Variants in GRIA4 observed in about 807,000 individuals in gnomAD.
GRIA4 encodes glutamate receptor 4.
A neutral mutation model predicts 104.0 loss-of-function variants in GRIA4; 34 were observed. That is an observed-to-expected ratio of 0.33 (90% confidence interval 0.25 to 0.44). GRIA4 has a LOEUF of 0.44. Among genes scored for constraint, GRIA4 ranks in the 20% least tolerant of loss-of-function variants. The pLI is 1.00. For missense variants in GRIA4, 750 were observed against 1,096.5 expected, an observed-to-expected ratio of 0.68 and a Z score of 4.46; for synonymous variants, 386 against 381.9, an observed-to-expected ratio of 1.01 and a Z score of -0.13.
intron 4 of GRIA4, among the ~76,000 whole-genome samples, chr11:105,819,621 A>C (rs1320289851): frequency 6.6e-6 from 1 of 152,130 alleles, no homozygotes; most frequent in Non-Finnish European, 1.5e-5. Flanking sequence ...GGTGATAGGC[A>C]CATGAAACGC....
intron 14 of GRIA4, among the ~76,000 whole-genome samples, chr11:105,956,540 C>T (rs897957715): frequency 6.6e-6 from 1 of 152,330 alleles, no homozygotes; most frequent in Admixed American, 6.5e-5. Context: ...CAAGTCTTTG[C>T]TATTGTGAAT....
chr11:105,899,574 T>C (rs1946784762), intron 7 of GRIA4, among the ~76,000 whole-genome samples: 1 of 152,220 alleles, frequency 6.6e-6, no homozygotes, highest in Non-Finnish European at 1.5e-5. Flanking sequence ...TCAGTAGCCA[T>C]TTAATAAATA....
intron 3 of GRIA4, among the ~76,000 whole-genome samples, chr11:105,724,709 T>G (rs903097133): frequency 2.0e-5 from 3 of 152,106 alleles, no homozygotes; most frequent in Non-Finnish European, 4.4e-5. Context: ...GAGTGAAGAA[T>G]ACACTAAAAG....
chr11:105,859,597 G>C (rs982119082), intron 4 of GRIA4, among the ~76,000 whole-genome samples: 11 of 152,120 alleles, frequency 7.2e-5, no homozygotes, highest in African/African-American at 2.7e-4. Context: ...TGGATGCCTA[G>C]TCCTGACATG....
At chr11:105,768,621 A>C (rs938041344) in intron 4 of GRIA4, among the ~76,000 whole-genome samples, 15 of 152,212 alleles carry the variant, frequency 9.9e-5, no homozygotes, top group Non-Finnish European at 2.2e-4. Context: ...TATGTGAATC[A>C]GTATGAATGA....
intron 3 of GRIA4, among the ~76,000 whole-genome samples, chr11:105,646,185 A>G (rs1951521715): frequency 6.6e-6 from 1 of 152,248 alleles, no homozygotes; most frequent in South Asian, 2.1e-4. Flanking sequence ...CACCTATCAC[A>G]GTCTCTAAAA....
intron 3 of GRIA4, among the ~76,000 whole-genome samples, chr11:105,663,506 A>G (rs1213281372): frequency 6.6e-6 from 1 of 151,992 alleles, no homozygotes; most frequent in East Asian, 1.9e-4. Flanking sequence ...CTGCAATAGA[A>G]GTATTTCCAG....
At chr11:105,858,123 T>C (rs1591358943) in intron 4 of GRIA4, among the ~76,000 whole-genome samples, 1 of 152,198 alleles carries the variant, frequency 6.6e-6, no homozygotes, top group Non-Finnish European at 1.5e-5. Context: ...CAGTGTTCTT[T>C]AGTAACTATG....
At chr11:105,935,828 C>G (rs1222098627) in intron 14 of GRIA4, among the ~76,000 whole-genome samples, 1 of 152,094 alleles carries the variant, frequency 6.6e-6, no homozygotes, top group Non-Finnish European at 1.5e-5. Context: ...TTTGTCAAAT[C>G]CACACTACAG....
At chr11:105,837,190 G>T (rs1303862554) in intron 4 of GRIA4, among the ~76,000 whole-genome samples, 3 of 152,080 alleles carry the variant, frequency 2.0e-5, no homozygotes, top group Non-Finnish European at 4.4e-5. Flanking sequence ...CCACCCCCAT[G>T]ATCCAATCAC....
intron 3 of GRIA4, among the ~76,000 whole-genome samples, chr11:105,660,318 T>C (rs763849241): frequency 4.0e-5 from 6 of 151,654 alleles, no homozygotes; most frequent in Non-Finnish European, 8.9e-5. Flanking sequence ...CTACAAAGAA[T>C]GAGATTAAGA....
At chr11:105,657,975 C>A (rs997458898) in intron 3 of GRIA4, among the ~76,000 whole-genome samples, 2 of 151,022 alleles carry the variant, frequency 1.3e-5, no homozygotes, top group Admixed American at 1.3e-4. Flanking sequence ...TTTATTATAC[C>A]TTTTAAGTTA....
chr11:105,854,775 C>G (rs768396776), intron 4 of GRIA4, among the ~76,000 whole-genome samples: 2 of 152,060 alleles, frequency 1.3e-5, no homozygotes, highest in African/African-American at 2.4e-5. Flanking sequence ...ATCACAGCCT[C>G]ATCCTTCCTT....
chr11:105,867,137 C>T (rs1055550637), intron 5 of GRIA4, among the ~76,000 whole-genome samples: 2 of 152,000 alleles, frequency 1.3e-5, no homozygotes, highest in African/African-American at 4.8e-5. Flanking sequence ...AGTGACCTTC[C>T]CACACTGTTT....
chr11:105,933,128 G>A (rs1378168973), intron 13 of GRIA4, among the ~76,000 whole-genome samples: 1 of 151,882 alleles, frequency 6.6e-6, no homozygotes, highest in African/African-American at 2.4e-5. Flanking sequence ...TGTAGTCCAA[G>A]CTATGCAGGA....
At chr11:105,772,817 A>T (rs1336114076) in intron 4 of GRIA4, among the ~76,000 whole-genome samples, 2 of 152,162 alleles carry the variant, frequency 1.3e-5, no homozygotes, top group Non-Finnish European at 2.9e-5. Context: ...AATTATTTCC[A>T]AATAAAAAAT....
At chr11:105,761,629 A>G (rs917036570) in intron 4 of GRIA4, among the ~76,000 whole-genome samples, 2 of 152,156 alleles carry the variant, frequency 1.3e-5, no homozygotes, top group Non-Finnish European at 2.9e-5. Flanking sequence ...ATATAAATAA[A>G]TGAAAAGGGC....
At chr11:105,814,785 T>C (rs1943311087) in intron 4 of GRIA4, among the ~76,000 whole-genome samples, 1 of 152,164 alleles carries the variant, frequency 6.6e-6, no homozygotes, top group Admixed American at 6.5e-5. Flanking sequence ...CTTACAATCC[T>C]GTATAGCCCT....
At chr11:105,955,461 T>C (rs1948563340) in intron 14 of GRIA4, among the ~76,000 whole-genome samples, 1 of 152,224 alleles carries the variant, frequency 6.6e-6, no homozygotes, top group African/African-American at 2.4e-5. Context: ...TCTCATTCCT[T>C]TTTATGGCTG....
Sources: gnomAD v4.1 joint callset for allele counts (sites outside exome capture counted in the v4.1 genomes callset) on GRCh38, gnomAD v4.1.1 for gene constraint, MANE v1.5 for transcripts, NCBI Gene and HGNC (gene_info 2026-07-23, HGNC 2026-07-21) for gene names.